Variants in SNRPN observed in about 807,000 individuals in gnomAD.
SNRPN encodes small nuclear ribonucleoprotein polypeptide N.
A neutral mutation model predicts 25.2 loss-of-function variants in SNRPN; 7 were observed. The ratio of observed to expected loss-of-function variants is 0.28; its 90% CI spans 0.16 to 0.52. The LOEUF is 0.52. Ranked by LOEUF, SNRPN falls within the 20% of genes least tolerant of loss-of-function variation. The pLI is 0.96. For missense variants in SNRPN, 196 were observed against 322.5 expected (o/e 0.61, Z 3.00); for synonymous variants, 124 against 110.6 (o/e 1.12, Z -0.76).
At chr15:24,855,583 A>T (rs941344546), upstream of SNRPN, among the ~76,000 whole-genome samples, 4 of 152,096 alleles carry the variant, frequency 2.6e-5, no homozygotes, top group African/African-American at 7.2e-5. Flanking sequence ...TGAGGTCAGA[A>T]GTTTGAGACC....
chr15:24,881,232 C>G (rs529939036), intron 1 of SNRPN, among the ~76,000 whole-genome samples: 79 of 151,918 alleles, frequency 5.2e-4, no homozygotes, highest in Middle Eastern at 3.4e-3. Flanking sequence ...TTTAAAAAGT[C>G]ACAGTAAGGG....
At chr15:24,940,754 G>A (rs2061501290) in intron 3 of SNRPN, among the ~76,000 whole-genome samples, 1 of 152,100 alleles carries the variant, frequency 6.6e-6, no homozygotes, top group Non-Finnish European at 1.5e-5. Context: ...GGAGCTGTGT[G>A]TGTGTGTGTG....
chr15:24,908,589 G>A (rs2059005671), intron 2 of SNRPN, among the ~76,000 whole-genome samples: 1 of 43,516 alleles, frequency 2.3e-5, no homozygotes, highest in Admixed American at 2.7e-4. Flanking sequence ...CAGAGGATTT[G>A]TTCCTGGAAA....
chr15:24,888,195 G>A (rs768859126), intron 2 of SNRPN, among the ~76,000 whole-genome samples: 6 of 146,066 alleles, frequency 4.1e-5, no homozygotes, highest in African/African-American at 7.5e-5. Flanking sequence ...CACAACCTCC[G>A]CCTCCCAGGT....
chr15:24,824,385 T>G (rs1469663310), intron 1 of SNRPN, among the ~76,000 whole-genome samples: 1 of 152,132 alleles, frequency 6.6e-6, no homozygotes. Context: ...CCAAAAGCTA[T>G]AGACATTGGC....
intron 3 of SNRPN, among the ~76,000 whole-genome samples, chr15:24,969,746 T>G (rs2076162296): frequency 6.6e-6 from 1 of 152,220 alleles, no homozygotes; most frequent in African/African-American, 2.4e-5. Context: ...TATTCTAGTC[T>G]CAACTGCTAG....
At chr15:24,962,266 A>G (rs1435948482) in intron 2 of SNRPN, 57 bp downstream of exon 2, 3 of 1,379,238 alleles carry the variant, frequency 2.2e-6, no homozygotes, top group Non-Finnish European at 3.1e-6. Context: ...TCAGATTAGA[A>G]CAAAATATCA....
In SNRPN at chr15:24,929,704, T is replaced by A. The variant is rs1184909494; in HGVS notation, c.-391+9580T>A. On this transcript the variant is annotated intron_variant, in intron 3 of 11. Transcript: ENST00000400097. This position sits in a 1 kb window ranked among gnomAD's most constrained non-coding sequence, Gnocchi z 5.3. ...TAAACACATTTTCTTCCAAGTGGAG[T>A]CCAGCATATTTTATTTTCCTGTTGA... 6.6e-6 allele frequency among the ~76,000 whole-genome samples: 1 copy of A among 152,026 alleles called. No homozygotes were observed. Among genetic ancestry groups the A allele is most frequent in the Non-Finnish European group, 1.5e-5 (1 of 68,008 alleles).
chr15:24,844,416 T>G (rs1346655360), intron 2 of SNRPN, among the ~76,000 whole-genome samples: 1 of 152,190 alleles, frequency 6.6e-6, no homozygotes, highest in Non-Finnish European at 1.5e-5. Context: ...CTACATCTGT[T>G]AAGTACCGAA....
At chr15:24,940,222 G>A (rs773237376) in intron 3 of SNRPN, among the ~76,000 whole-genome samples, 1 of 152,122 alleles carries the variant, frequency 6.6e-6, no homozygotes, top group Non-Finnish European at 1.5e-5. Flanking sequence ...TTTTGATTTT[G>A]ATATACTCCA....
chr15:24,835,098 A>C (rs1338436561), intron 2 of SNRPN, among the ~76,000 whole-genome samples: 1 of 14,968 alleles, frequency 6.7e-5, no homozygotes, highest in Non-Finnish European at 1.8e-4. Context: ...AAATATATAG[A>C]TATATATACT....
At chr15:24,872,778 G>C (rs1370111037) in intron 1 of SNRPN, among the ~76,000 whole-genome samples, 1 of 95,900 alleles carries the variant, frequency 1.0e-5, no homozygotes, top group South Asian at 4.0e-4. Flanking sequence ...AGCTGGGTGC[G>C]GTGGCTTACG....
chr15:24,962,272 TATC>T (rs1216193645), intron 2 of SNRPN, 63 bp downstream of exon 2: 6 of 1,279,242 alleles, frequency 4.7e-6, no homozygotes, highest in South Asian at 1.2e-5. Context: ...TAGAACAAAA[TATC>T]ATGCAATGAG....
Position 24,956,364 on chromosome 15 carries a change from G to T in SNRPN, c.-391+1302G>T, listed in dbSNP as rs2062889134. On this transcript the variant is annotated intron_variant, in intron 1 of 9. Coordinates refer to ENST00000390687, the MANE Select transcript of SNRPN (RefSeq NM_003097.6). ...GCGCAAGCGCTTCAGCGGGGGGGTG[G>T]CCGCTTCCTCCCTGTAGAGCCGCCA... 2.0e-5 allele frequency among the ~76,000 whole-genome samples: 3 copies of T among 151,144 alleles called. No homozygotes were observed. The South Asian group carries it at 6.2e-4, about 31-fold the overall frequency.
upstream of SNRPN, among the ~76,000 whole-genome samples, chr15:24,856,178 A>G (rs1223688435): frequency 6.6e-6 from 1 of 152,196 alleles, no homozygotes; most frequent in East Asian, 1.9e-4. Flanking sequence ...TATAAAGAAG[A>G]AAGAGTGAAA....
At chr15:24,879,242 C>G (rs980839625) in intron 1 of SNRPN, among the ~76,000 whole-genome samples, 1 of 151,970 alleles carries the variant, frequency 6.6e-6, no homozygotes, top group Admixed American at 6.6e-5. Flanking sequence ...CGAGACCAGC[C>G]TGGGCAACAC....
intron 2 of SNRPN, among the ~76,000 whole-genome samples, chr15:24,890,611 G>C (rs903369541): frequency 6.6e-6 from 1 of 152,074 alleles, no homozygotes; most frequent in South Asian, 2.1e-4. Context: ...CCCAGGAGGT[G>C]GAGGTTGCAG....
chr15:24,887,049 C>A (rs2057260281), intron 2 of SNRPN, among the ~76,000 whole-genome samples: 1 of 152,026 alleles, frequency 6.6e-6, no homozygotes. Context: ...TAGTTACTGA[C>A]CCCTTAAATG....
intron 1 of SNRPN, among the ~76,000 whole-genome samples, chr15:24,874,687 T>C (rs1372673402): frequency 1.3e-5 from 2 of 151,680 alleles, no homozygotes; most frequent in African/African-American, 4.8e-5. Flanking sequence ...TCTGGTGATA[T>C]GATCACCATC....
Sources: allele counts gnomAD v4.1 joint callset (sites outside exome capture counted in the v4.1 genomes callset), GRCh38; gene constraint gnomAD v4.1.1; non-coding constraint Gnocchi (gnomAD v3.1); transcripts MANE v1.5; gene names NCBI Gene and HGNC (gene_info 2026-07-23, HGNC 2026-07-21).